UBA6: variants seen among roughly 807,000 people sequenced by gnomAD.
The protein encoded by UBA6 is ubiquitin like modifier activating enzyme 6.
Under a neutral mutation model 148.3 loss-of-function variants are expected in UBA6, and 87 were observed. That is an observed-to-expected ratio of 0.59 (90% CI 0.49 to 0.70). The LOEUF is 0.70. UBA6 is among the 30% of genes least tolerant of loss of function. The pLI, the probability that UBA6 is intolerant of heterozygous loss-of-function variation, is 0.00. For synonymous variants in UBA6, 376 were observed against 401.0 expected, an observed-to-expected ratio of 0.94 and a Z score of 0.75; for missense variants, 1,186 against 1,241.2, an observed-to-expected ratio of 0.96 and a Z score of 0.67.
chr4:67,698,633 C>T (rs1417132699), intron 1 of UBA6, among the ~76,000 whole-genome samples: 3 of 152,142 alleles, frequency 2.0e-5, no homozygotes, highest in Admixed American at 2.0e-4. Flanking sequence ...CCTACTGTTT[C>T]TGATATTAGA....
chr4:67,620,281 CT>C, intron 32 of UBA6, among the ~76,000 whole-genome samples: 1 of 152,068 alleles, frequency 6.6e-6, no homozygotes, highest in East Asian at 1.9e-4. Context: ...ATAACAGTAG[CT>C]TTACTTTTGT....
At chr4:67,680,048 A>G (rs1259958102) in intron 4 of UBA6, among the ~76,000 whole-genome samples, 1 of 152,210 alleles carries the variant, frequency 6.6e-6, no homozygotes, top group East Asian at 1.9e-4. Context: ...ACTGGTCAAT[A>G]CTACGAAATG....
At chr4:67,673,613 T>C in intron 7 of UBA6, 84 bp downstream of exon 7, 1 of 782,656 alleles carries the variant, frequency 1.3e-6, no homozygotes, top group Non-Finnish European at 2.1e-6. Context: ...GTTTCTTATA[T>C]AACCCATCAA....
intron 1 of UBA6, among the ~76,000 whole-genome samples, chr4:67,698,946 G>A (rs535938215): frequency 5.6e-4 from 85 of 151,918 alleles, no homozygotes; most frequent in Non-Finnish European, 9.3e-4. Context: ...GGTGACAAGA[G>A]CAAGACTCTG....
At position 67,618,999 on chromosome 4, in the gene UBA6, AATCAGTGTCATGACTGAAGTAGT is replaced by A; in HGVS notation, c.3134_3156del (p.Tyr1045LeufsTer30). 6.2e-7 allele frequency: 1 copy of A among 1,613,432 alleles called. No homozygotes were observed. The highest frequency in any genetic ancestry group is 8.5e-7 in the Non-Finnish European group (1 of 1,179,794). ...GAGTAACGTTAAGACAACTTGTATT[AATCAGTGTCATGACTGAAGTAGT>A]ATCTTACTGGAGGTCCCGGCAAATC... On this transcript the variant is annotated frameshift_variant, in exon 33 of 33. Transcript: ENST00000322244. LOFTEE classifies it high-confidence loss of function.
rs1196079684 is a variant in UBA6, at chr4:67,633,416, T to G, written c.2071A>C (p.Arg691=). 2 of 1,610,960 alleles carry G rather than the reference T, an allele frequency of 1.2e-6. No individual in the cohort carries two copies. The highest frequency in any genetic ancestry group is 2.7e-5 in the African/African-American group (2 of 74,790). Residue 691 remains arginine, a synonymous_variant, in exon 23 of 33, where the codon AGA becomes CGA. Transcript: ENST00000322244. ...CACTGGGACCAATTTCTAGGTCTTCTGCTAAGTAACTTTATAACTTGAAAA... is the reference window on the plus strand; with the variant it reads ...CACTGGGACCAATTTCTAGGTCTTCGGCTAAGTAACTTTATAACTTGAAAA... ...GCFQVIKLLS[R]RPRNWSQCVE...
intron 28 of UBA6, among the ~76,000 whole-genome samples, chr4:67,625,584 T>C (rs991705689): frequency 5.9e-5 from 9 of 151,978 alleles, no homozygotes; most frequent in African/African-American, 2.2e-4. Flanking sequence ...TCTGAAACAT[T>C]TTCCCTCTGG....
rs543229346 is a variant in UBA6, at chr4:67,661,492, T to C, written c.1104+697A>G. On this transcript the variant is annotated intron_variant, in intron 13 of 32. Coordinates refer to ENST00000322244, the MANE Select transcript of UBA6 (RefSeq NM_018227.6). ...GCTTCTCCTTTGTCTCCTGCCATGA[T>C]TGTAAGTTTCCTGAGGCCTCCCCAA... is the stretch of plus-strand genomic sequence containing the variant. Among the ~76,000 whole-genome samples, 232 of 152,266 alleles carry C rather than the reference T, an allele frequency of 1.5e-3. 3 individuals are homozygous for C. The highest frequency in any genetic ancestry group is 3.1e-3 in the African/African-American group (129 of 41,562).
rs1728562621 is a variant in UBA6, at chr4:67,612,734, A to G, written c.*6263T>C. Reference sequence around the variant, plus strand: ...CAACTGTATTTTACACATAATCAACAGGAAATAATGTGGGCTAAGTAATTT... The same window carrying G: ...CAACTGTATTTTACACATAATCAACGGGAAATAATGTGGGCTAAGTAATTT... On this transcript the variant is annotated 3_prime_UTR_variant, in exon 33 of 33. Coordinates refer to ENST00000322244, the MANE Select transcript of UBA6 (RefSeq NM_018227.6). 6.6e-6 allele frequency: 1 copy of G among 152,256 alleles called. No homozygotes were observed. 9.4% of individuals were successfully genotyped at this position (152,256 alleles called of 1,614,324 possible).
At chr4:67,700,485 A>G (rs1487141900) in intron 1 of UBA6, among the ~76,000 whole-genome samples, 1 of 152,006 alleles carries the variant, frequency 6.6e-6, no homozygotes, top group Admixed American at 6.6e-5. Context: ...CTTCAAAACC[A>G]AGTGGGAAAT....
At chr4:67,642,951 T>C (rs1560484391) in intron 17 of UBA6, among the ~76,000 whole-genome samples, 1 of 152,030 alleles carries the variant, frequency 6.6e-6, no homozygotes, top group East Asian at 1.9e-4. Flanking sequence ...TTATCTTCGA[T>C]TTGTCCATTC....
intron 4 of UBA6, among the ~76,000 whole-genome samples, chr4:67,680,571 T>G (rs554209829): frequency 6.6e-6 from 1 of 152,340 alleles, no homozygotes; most frequent in East Asian, 1.9e-4. Flanking sequence ...ATACAAGCTT[T>G]CAATAAAATG....
At chr4:67,683,730 G>C (rs748558954) in intron 2 of UBA6, among the ~76,000 whole-genome samples, 5 of 152,074 alleles carry the variant, frequency 3.3e-5, no homozygotes, top group Non-Finnish European at 4.4e-5. Context: ...CAGGATTTAA[G>C]AATATGTATA....
chr4:67,685,846 G>A (rs1198009958), intron 2 of UBA6, among the ~76,000 whole-genome samples: 2 of 152,114 alleles, frequency 1.3e-5, no homozygotes, highest in African/African-American at 4.8e-5. Context: ...CCCCTCACCA[G>A]ATATGACCCC....
At chr4:67,667,869 A>G (rs1055533382) in intron 9 of UBA6, among the ~76,000 whole-genome samples, 1 of 152,126 alleles carries the variant, frequency 6.6e-6, no homozygotes, top group African/African-American at 2.4e-5. Context: ...GACCCCTTCA[A>G]CTTCTTGCGA....
chr4:67,701,000 C>G lies in UBA6; in HGVS notation c.71+49G>C, dbSNP rs563005522. 29 of 1,597,638 alleles carry G rather than the reference C, an allele frequency of 1.8e-5. 2 individuals are homozygous for G. In the Admixed American group the frequency reaches 4.0e-4, roughly 22 times the overall value. ...GAAAGAAAGAAGCAGAAACCCGGAG[C>G]CTGGGTCCCACCCGCGACCCCTCAC... On this transcript the variant is annotated intron_variant, in intron 1 of 32. Transcript: ENST00000322244.
At position 67,646,828 on chromosome 4, in the gene UBA6, T is replaced by A. The variant is rs745930938; in HGVS notation, c.1249-37A>T. Reference sequence around the variant, plus strand: ...AGATTAAAAACACAATTATTATGTATAAAACAAATTACTATAAAAAGAAGC... The same window carrying A: ...AGATTAAAAACACAATTATTATGTAAAAAACAAATTACTATAAAAAGAAGC... On this transcript the variant is annotated intron_variant, in intron 14 of 32. Transcript: ENST00000322244. The A allele has an allele frequency of 4.4e-6, 6 of 1,348,980 alleles. No homozygotes were observed. In the African/African-American group the frequency reaches 6.0e-5, roughly 14 times the overall value. The allele number at this position is 1,348,980 out of a possible 1,614,324, so 83.6% of individuals were successfully genotyped here. A position where few individuals can be genotyped will look rare whatever the true frequency, so the allele number is the denominator to read the frequency against.
intron 1 of UBA6, among the ~76,000 whole-genome samples, chr4:67,700,084 C>A (rs946175897): frequency 2.0e-5 from 3 of 152,116 alleles, no homozygotes; most frequent in African/African-American, 7.2e-5. Flanking sequence ...GAAAGTTGTG[C>A]CTCACTGGAA....
intron 13 of UBA6, 35 bp from the exon 14 acceptor site, chr4:67,649,246 C>G (rs903192592): frequency 6.3e-7 from 1 of 1,587,468 alleles, no homozygotes; most frequent in Non-Finnish European, 8.6e-7. Context: ...ATAACATTAA[C>G]AGCATTTACA....
Sources: allele counts gnomAD v4.1 joint callset (sites outside exome capture counted in the v4.1 genomes callset), GRCh38; gene constraint gnomAD v4.1.1; transcripts MANE v1.5; gene names NCBI Gene and HGNC (gene_info 2026-07-23, HGNC 2026-07-21).